Variants in NPEPPS observed in about 807,000 individuals in gnomAD.
NPEPPS encodes puromycin-sensitive aminopeptidase.
NPEPPS carries 14 observed loss-of-function variants against 115.5 expected under a neutral mutation model. The observed-to-expected ratio is 0.12, with a 90% CI of 0.08 to 0.19. The LOEUF (loss-of-function observed/expected upper bound fraction) is 0.19. Among genes scored for constraint, NPEPPS ranks in the 10% least tolerant of loss-of-function variants. NPEPPS has a pLI of 1.00. For missense variants in NPEPPS, 523 were observed against 1,110.8 expected (o/e 0.47, Z 7.52); for synonymous variants, 285 against 390.6 (o/e 0.73, Z 3.19).
rs1914602313 is a variant in NPEPPS, at chr17:47,621,973, G to T, written c.*53G>T. 1 of 1,520,696 alleles carries T rather than the reference G, an allele frequency of 6.6e-7. No individual in the cohort carries two copies. Among genetic ancestry groups the T allele is most frequent in the African/African-American group, 1.4e-5 (1 of 72,918 alleles). The allele number at this position is 1,520,696 out of a possible 1,614,324, so 94.2% of individuals were successfully genotyped here. ...TGCTGCTTCGCTGCAGGGATAAGGTGGAGCTACCGAACAGCTGATTCATAT... is the reference window on the plus strand; with the variant it reads ...TGCTGCTTCGCTGCAGGGATAAGGTTGAGCTACCGAACAGCTGATTCATAT... On this transcript the variant is annotated 3_prime_UTR_variant, in exon 23 of 23. Transcript: ENST00000322157.
At chr17:47,611,458 CAAA>C (rs71141920) in intron 17 of NPEPPS, among the ~76,000 whole-genome samples, 6 of 120,158 alleles carry the variant, frequency 5.0e-5, no homozygotes, top group Admixed American at 8.3e-5. Flanking sequence ...GACCACATCT[CAAA>C]AAAAAAAAAA....
intron 10 of NPEPPS, chr17:47,591,680 A>G: frequency 3.3e-6 from 1 of 305,588 alleles, no homozygotes; most frequent in South Asian, 7.6e-5. Context: ...CTCCTCTGCA[A>G]CTACCCCAAA....
At chr17:47,577,960 C>G (rs1170966658) in intron 3 of NPEPPS, among the ~76,000 whole-genome samples, 9 of 152,132 alleles carry the variant, frequency 5.9e-5, no homozygotes. Flanking sequence ...AATCCCAGCA[C>G]TTAGGGAGGC....
At chr17:47,524,535 C>T (rs186164206) in intron 1 of NPEPPS, among the ~76,000 whole-genome samples, 4 of 151,504 alleles carry the variant, frequency 2.6e-5, no homozygotes, top group Admixed American at 1.3e-4. Flanking sequence ...TGCTCTGTTG[C>T]GCAGGCTGGA....
At chr17:47,607,336 A>G (rs1457989463) in intron 17 of NPEPPS, among the ~76,000 whole-genome samples, 1 of 152,178 alleles carries the variant, frequency 6.6e-6, no homozygotes, top group African/African-American at 2.4e-5. Context: ...CCTAGAAGAA[A>G]AGTGGTTGAG....
At chr17:47,530,229 C>A, upstream of NPEPPS, among the ~76,000 whole-genome samples, 1 of 149,952 alleles carries the variant, frequency 6.7e-6, no homozygotes, top group African/African-American at 2.5e-5. Flanking sequence ...AGGCGTGAGC[C>A]ACCGCGACCG....
At position 47,537,609 on chromosome 17, in the gene NPEPPS, CTTGAACTCGGGAAGCGGAGGAGCGGAGG is replaced by C. The variant is rs1218094576; in HGVS notation, c.255+6058_255+6085del. Reference sequence around the variant, plus strand: ...TCGGGAAGCTGAGACAGGAGAATTGCTTGAACTCGGGAAGCGGAGGAGCGGAGGTTGCGGTGAGCTGAGATCACGCCAT... The same window carrying C: ...TCGGGAAGCTGAGACAGGAGAATTGCTTGCGGTGAGCTGAGATCACGCCAT... On this transcript the variant is annotated intron_variant, in intron 1 of 22. Transcript: ENST00000322157. 3.3e-5 allele frequency among the ~76,000 whole-genome samples: 5 copies of C among 151,996 alleles called. No individual in the cohort carries two copies. In the South Asian group the frequency reaches 8.3e-4, roughly 25 times the overall value.
At chr17:47,593,688 C>T (rs558106093) in intron 12 of NPEPPS, among the ~76,000 whole-genome samples, 60 of 152,336 alleles carry the variant, frequency 3.9e-4, no homozygotes, top group Non-Finnish European at 7.8e-4. Context: ...GAAACCTACA[C>T]AGTATGTCCT....
At chr17:47,565,555 C>G (rs1353483418) in intron 2 of NPEPPS, among the ~76,000 whole-genome samples, 3 of 146,548 alleles carry the variant, frequency 2.0e-5, no homozygotes, top group Non-Finnish European at 4.5e-5. Flanking sequence ...TGTGGTGGTT[C>G]ATGCCTGTAA....
At chr17:47,529,759 A>G (rs1213991701), upstream of NPEPPS, among the ~76,000 whole-genome samples, 1 of 56,746 alleles carries the variant, frequency 1.8e-5, no homozygotes, top group African/African-American at 5.4e-5. Context: ...ATATATATAT[A>G]TATATATGCA....
chr17:47,591,799 G>T (rs1912521786), intron 10 of NPEPPS, 157 bp from the exon 11 acceptor site: 3 of 492,348 alleles, frequency 6.1e-6, no homozygotes. Flanking sequence ...ATTATTATTA[G>T]TTACTACATT....
chr17:47,611,258 G>A (rs541501040), intron 17 of NPEPPS, among the ~76,000 whole-genome samples: 30 of 151,502 alleles, frequency 2.0e-4, no homozygotes, highest in Middle Eastern at 6.8e-3. Context: ...TCAGGAGTTC[G>A]AGACCAGCCT....
chr17:47,619,996 G>T, intron 22 of NPEPPS: 2 of 447,160 alleles, frequency 4.5e-6, no homozygotes, highest in Non-Finnish European at 8.1e-6. Flanking sequence ...ACTTTGGGAG[G>T]CCGAGGTGGG....
chr17:47,613,974 T>C (rs1003111698), intron 19 of NPEPPS, among the ~76,000 whole-genome samples: 5 of 151,194 alleles, frequency 3.3e-5, no homozygotes, highest in East Asian at 2.0e-4. Flanking sequence ...TGAAATCTTA[T>C]TATTATTTTT....
intron 7 of NPEPPS, 60 bp from the exon 8 acceptor site, chr17:47,586,305 G>GC: frequency 8.9e-7 from 1 of 1,125,884 alleles, no homozygotes; most frequent in Non-Finnish European, 1.2e-6. Context: ...TGTGACTTTT[G>GC]ATGCAAGAGT....
intron 1 of NPEPPS, among the ~76,000 whole-genome samples, chr17:47,535,719 T>A (rs972391230): frequency 2.0e-5 from 3 of 151,092 alleles, no homozygotes; most frequent in African/African-American, 7.3e-5. Flanking sequence ...AGATATTTCA[T>A]ATTTTGATCC....
At chr17:47,566,667 C>T (rs1209476354) in intron 2 of NPEPPS, among the ~76,000 whole-genome samples, 3 of 151,646 alleles carry the variant, frequency 2.0e-5, no homozygotes, top group Non-Finnish European at 1.5e-5. Context: ...GCATGATCCA[C>T]CCACCTCGGC....
intron 9 of NPEPPS, among the ~76,000 whole-genome samples, chr17:47,588,335 G>A (rs1385173360): frequency 1.3e-5 from 2 of 152,188 alleles, no homozygotes; most frequent in African/African-American, 2.4e-5. Context: ...GCTGAGGCAG[G>A]TGGATCACTT....
chr17:47,539,751 G>A (rs920538289), intron 1 of NPEPPS, among the ~76,000 whole-genome samples: 8 of 152,114 alleles, frequency 5.3e-5, no homozygotes, highest in African/African-American at 1.9e-4. Context: ...TTGACCTTCT[G>A]CAAGTGGCTC....
Sources: gnomAD v4.1 joint callset for allele counts (sites outside exome capture counted in the v4.1 genomes callset) on GRCh38, gnomAD v4.1.1 for gene constraint, MANE v1.5 for transcripts, NCBI Gene and HGNC (gene_info 2026-07-23, HGNC 2026-07-21) for gene names.